The following NEXMIF variants were observed in gnomAD, a reference collection of about 807,000 sequenced individuals.
NEXMIF encodes XLMR protein related to neurite extension.
A neutral mutation model predicts 62.1 loss-of-function variants in NEXMIF; 8 were observed. That is an observed-to-expected ratio of 0.13 (90% CI 0.08 to 0.23). NEXMIF has a LOEUF of 0.23. Ranked by LOEUF, NEXMIF falls within the 10% of genes least tolerant of loss-of-function variation. The pLI, the probability that NEXMIF is intolerant of heterozygous loss-of-function variation, is 1.00. For synonymous variants in NEXMIF, 404 were observed against 416.6 expected (o/e 0.97, Z 0.37); for missense variants, 976 against 1,113.3 (o/e 0.88, Z 1.75).
intron 1 of NEXMIF, among the ~76,000 whole-genome samples, chrX:74,792,998 G>A (rs1168582520): frequency 1.1e-4 from 12 of 108,728 alleles, no homozygotes; most frequent in African/African-American, 4.0e-4. Flanking sequence ...ATTGTTATGT[G>A]TGAATTTGAT....
chrX:74,751,881 C>G (rs752984992), intron 1 of NEXMIF, among the ~76,000 whole-genome samples: 72 of 104,537 alleles, frequency 6.9e-4, no homozygotes, highest in Admixed American at 2.0e-3. Flanking sequence ...TCGCTCTATC[C>G]CCAAGGCTGG....
intron 1 of NEXMIF, among the ~76,000 whole-genome samples, chrX:74,747,160 A>G (rs2147443244): frequency 8.9e-6 from 1 of 111,785 alleles, no homozygotes; most frequent in African/African-American, 3.2e-5. Context: ...GGTATCATTT[A>G]CCCCTCTTTT....
chrX:74,876,085 G>C (rs1256359739), intron 1 of NEXMIF, among the ~76,000 whole-genome samples: 1 of 110,250 alleles, frequency 9.1e-6, no homozygotes, highest in African/African-American at 3.3e-5. Flanking sequence ...GTGATGTTAG[G>C]GTGTCAATTT....
rs2080628375 is a variant in NEXMIF at position 74,875,701 on chromosome X, C to G, written c.-48+49182G>C. 3.6e-5 allele frequency among the ~76,000 whole-genome samples: 4 copies of G among 112,033 alleles called. No homozygotes were observed. In the South Asian group the frequency reaches 1.5e-3, roughly 42 times the overall value. ...GTTATTGGTCTATTCAGAGATTCAA[C>G]TTCTTCCTGGTTTAGTCTTGGGAGA... is the stretch of plus-strand genomic sequence containing the variant. On this transcript the variant is annotated intron_variant, in intron 1 of 3. Transcript: ENST00000055682.
chrX:74,892,940 G>GGA (rs111823715), intron 1 of NEXMIF, among the ~76,000 whole-genome samples: 30,685 of 110,324 alleles, frequency 0.28, 6,286 homozygotes, highest in East Asian at 0.9. Context: ...AGGAAAGGAT[G>GGA]GAGAGAGAGA....
intron 1 of NEXMIF, among the ~76,000 whole-genome samples, chrX:74,762,147 T>G (rs1484819461): frequency 5.9e-5 from 5 of 84,430 alleles, no homozygotes; most frequent in Non-Finnish European, 1.1e-4. Context: ...CCCTGGTGTG[T>G]GATGTTCCCC....
At chrX:74,825,344 T>C (rs745612082) in intron 1 of NEXMIF, among the ~76,000 whole-genome samples, 26 of 111,456 alleles carry the variant, frequency 2.3e-4, no homozygotes, top group Non-Finnish European at 4.3e-4. Context: ...GTATTGAACC[T>C]AGTACCCATT....
intron 1 of NEXMIF, among the ~76,000 whole-genome samples, chrX:74,830,068 T>C (rs1053112220): frequency 8.9e-6 from 1 of 112,021 alleles, no homozygotes; most frequent in Non-Finnish European, 1.9e-5. Context: ...ATCCCATTTG[T>C]CCACTTTTGC....
intron 1 of NEXMIF, among the ~76,000 whole-genome samples, chrX:74,894,225 C>T (rs1023605507): frequency 9.0e-5 from 10 of 111,061 alleles, no homozygotes; most frequent in Non-Finnish European, 1.7e-4. Flanking sequence ...TTGAGCCTGG[C>T]AGGCGGAGGC....
At chrX:74,888,783 T>C (rs767466798) in intron 1 of NEXMIF, among the ~76,000 whole-genome samples, 8 of 112,209 alleles carry the variant, frequency 7.1e-5, no homozygotes, top group Non-Finnish European at 1.1e-4. Context: ...AACAAATGGA[T>C]GCAGACATAC....
At chrX:74,791,053 C>G (rs1489157468) in intron 1 of NEXMIF, among the ~76,000 whole-genome samples, 1 of 110,487 alleles carries the variant, frequency 9.1e-6, no homozygotes, top group Non-Finnish European at 1.9e-5. Context: ...CTGTCTTGTG[C>G]CAGTTTTCAA....
At chrX:74,866,802 C>T (rs907581266) in intron 1 of NEXMIF, among the ~76,000 whole-genome samples, 41 of 112,636 alleles carry the variant, frequency 3.6e-4, no homozygotes, top group Non-Finnish European at 6.0e-4. Flanking sequence ...TGCCTTTGCT[C>T]CCCCTTCACC....
intron 1 of NEXMIF, among the ~76,000 whole-genome samples, chrX:74,767,436 G>C (rs1297262768): frequency 3.6e-5 from 4 of 111,918 alleles, no homozygotes; most frequent in African/African-American, 1.3e-4. Flanking sequence ...GAACACACCA[G>C]TAAGGATGGT....
intron 1 of NEXMIF, among the ~76,000 whole-genome samples, chrX:74,828,032 TAAG>T (rs1569350940): frequency 8.9e-6 from 1 of 111,866 alleles, no homozygotes; most frequent in Admixed American, 9.5e-5. Context: ...AATAAGGAGT[TAAG>T]AAGAGAGAAA....
intron 1 of NEXMIF, among the ~76,000 whole-genome samples, chrX:74,880,672 T>A (rs1024039489): frequency 8.9e-6 from 1 of 112,294 alleles, no homozygotes; most frequent in Non-Finnish European, 1.9e-5. Flanking sequence ...AAGTTGAAGA[T>A]TAATCACCAT....
In NEXMIF at chrX:74,740,331, T is replaced by C. The variant is rs1340796165; in HGVS notation, c.4226A>G (p.Asp1409Gly). The change falls in exon 3 of 4, where the codon GAT (aspartate) becomes GGT (glycine). Residue 1409 changes from aspartate to glycine, a missense_variant. By Grantham distance (94) the Asp-to-Gly change is moderately conservative. This residue lies in a region of NEXMIF where 137 missense variants were observed against 128.9 expected (regional missense o/e 1.06). Transcript: ENST00000055682. ...ACCAGGCATGTTTGCACGACCAGGA[T>C]CACCTATTGCTGTTTTCCCATTGCT... Reference protein sequence around the residue: ...SKSNGKTAIGDPGRANMPGYN... With the variant: ...SKSNGKTAIGGPGRANMPGYN... 8.3e-7 allele frequency: 1 copy of C among 1,209,901 alleles called. No individual in the cohort carries two copies. Among genetic ancestry groups the C allele is most frequent in the Non-Finnish European group, 1.1e-6 (1 of 895,196 alleles).
At position 74,733,587 on chromosome X, in the gene NEXMIF, T is replaced by G. The variant is rs982966367; in HGVS notation, c.*5818A>C. On this transcript the variant is annotated 3_prime_UTR_variant, in exon 4 of 4. Transcript: ENST00000055682. ...CTAAAGCAGTATTTTAAACTTTTCTTTTTATTTATTTCATAAACAATAACA... is the reference window on the plus strand; with the variant it reads ...CTAAAGCAGTATTTTAAACTTTTCTGTTTATTTATTTCATAAACAATAACA... 47 of 112,421 alleles carry G rather than the reference T, an allele frequency of 4.2e-4. No individual in the cohort carries two copies. Among genetic ancestry groups the G allele is most frequent in the African/African-American group, 1.4e-3 (43 of 30,883 alleles). The allele number at this position is 112,421 out of a possible 1,213,427, so 9.3% of individuals were successfully genotyped here. A position where few individuals can be genotyped will look rare whatever the true frequency, so the allele number is the denominator to read the frequency against.
At chrX:74,851,530 T>G (rs1225976394) in intron 1 of NEXMIF, among the ~76,000 whole-genome samples, 1 of 110,880 alleles carries the variant, frequency 9.0e-6, no homozygotes, top group Non-Finnish European at 1.9e-5. Context: ...ACAGTTGGTT[T>G]CTCAGCAGAA....
At chrX:74,774,324 G>T (rs1350660962) in intron 1 of NEXMIF, among the ~76,000 whole-genome samples, 1 of 111,356 alleles carries the variant, frequency 9.0e-6, no homozygotes, top group Admixed American at 9.6e-5. Context: ...CTTAGTAATG[G>T]CTTTATCACC....
Sources: gnomAD v4.1 joint callset for allele counts (sites outside exome capture counted in the v4.1 genomes callset) on GRCh38, gnomAD v4.1.1 for gene constraint, gnomAD v4.1.1 regional missense constraint, MANE v1.5 for transcripts, NCBI Gene and HGNC (gene_info 2026-07-23, HGNC 2026-07-21) for gene names.